Variants in NDUFS4 observed in about 807,000 individuals in gnomAD.
The protein encoded by NDUFS4 is NADH dehydrogenase [ubiquinone] iron-sulfur protein 4, mitochondrial.
A neutral mutation model predicts 24.3 loss-of-function variants in NDUFS4; 28 were observed. The ratio of observed to expected loss-of-function variants is 1.15; its 90% confidence interval spans 0.85 to 1.58. The LOEUF is 1.58. Among genes scored for constraint, NDUFS4 ranks in the 40% most tolerant of loss-of-function variants. The pLI, the probability that NDUFS4 is intolerant of heterozygous loss-of-function variation, is 0.00. For synonymous variants in NDUFS4, 93 were observed against 69.7 expected (o/e 1.34, Z -1.67); for missense variants, 223 against 207.9 (o/e 1.07, Z -0.45).
At chr5:53,668,895 C>CTG (rs1444670198) in intron 4 of NDUFS4, among the ~76,000 whole-genome samples, 1 of 152,144 alleles carries the variant, frequency 6.6e-6, no homozygotes, top group East Asian at 1.9e-4. Context: ...TTTAGTAACT[C>CTG]TGTGAAGCAG....
chr5:53,636,428 T>C (rs1046447807), intron 2 of NDUFS4, among the ~76,000 whole-genome samples: 1 of 152,218 alleles, frequency 6.6e-6, no homozygotes, highest in Non-Finnish European at 1.5e-5. Context: ...AGCTAGATAT[T>C]AGAAGAAACC....
At chr5:53,572,679 T>G (rs1749250838) in intron 1 of NDUFS4, among the ~76,000 whole-genome samples, 1 of 151,318 alleles carries the variant, frequency 6.6e-6, no homozygotes, top group Non-Finnish European at 1.5e-5. Context: ...AGTCTCGCCC[T>G]GTTGCCCAGG....
intron 2 of NDUFS4, among the ~76,000 whole-genome samples, chr5:53,622,362 C>T (rs1445764128): frequency 2.0e-5 from 3 of 152,078 alleles, no homozygotes; most frequent in African/African-American, 4.8e-5. Flanking sequence ...GCTAGAATTC[C>T]GAGGTTAAGG....
chr5:53,616,513 T>G (rs1467922892), intron 2 of NDUFS4, among the ~76,000 whole-genome samples: 1 of 152,044 alleles, frequency 6.6e-6, no homozygotes, highest in Admixed American at 6.6e-5. Context: ...AAGAAGCAGC[T>G]GTGTGAGTAT....
At chr5:53,569,606 A>G (rs1749146714) in intron 1 of NDUFS4, among the ~76,000 whole-genome samples, 1 of 152,274 alleles carries the variant, frequency 6.6e-6, no homozygotes, top group South Asian at 2.1e-4. Context: ...TGACTTTCTG[A>G]TAACCCCAGA....
At chr5:53,574,798 C>T (rs538991265) in intron 1 of NDUFS4, among the ~76,000 whole-genome samples, 18 of 151,854 alleles carry the variant, frequency 1.2e-4, no homozygotes, top group South Asian at 4.2e-4. Flanking sequence ...ATATTATATT[C>T]GGAGAACCCA....
chr5:53,663,257 G>A (rs1174421465), intron 4 of NDUFS4, among the ~76,000 whole-genome samples: 1 of 152,038 alleles, frequency 6.6e-6, no homozygotes, highest in Non-Finnish European at 1.5e-5. Flanking sequence ...CCAACTGTGT[G>A]GTCAATTTTG....
At chr5:53,611,085 T>G (rs1750680104) in intron 2 of NDUFS4, among the ~76,000 whole-genome samples, 1 of 152,072 alleles carries the variant, frequency 6.6e-6, no homozygotes, top group African/African-American at 2.4e-5. Context: ...CCAGTAAAGC[T>G]TATTTTATTT....
At position 53,611,585 on chromosome 5, in the gene NDUFS4, TA is replaced by T. The variant is rs532628473; in HGVS notation, c.177+8066del. On this transcript the variant is annotated intron_variant, in intron 2 of 4. Coordinates refer to ENST00000296684, the MANE Select transcript of NDUFS4 (RefSeq NM_002495.4). ...AGCTTATGTTTAGAAGCACAATGCT[TA>T]AAAAAAAAAACTTTTTGTGGACTGT... Among the ~76,000 whole-genome samples the T allele has an allele frequency of 2.2e-3, 323 of 146,240 alleles. 6 individuals carry two copies. The East Asian group carries it at 0.055, about 25-fold the overall frequency.
chr5:53,561,093 T>G (rs1401725018), intron 1 of NDUFS4, among the ~76,000 whole-genome samples: 1 of 152,182 alleles, frequency 6.6e-6, no homozygotes, highest in Admixed American at 6.5e-5. Context: ...CTCACTGATT[T>G]CTGTTTCCAC....
chr5:53,593,708 A>T (rs1167305668), intron 1 of NDUFS4, among the ~76,000 whole-genome samples: 1 of 151,298 alleles, frequency 6.6e-6, no homozygotes, highest in Admixed American at 6.6e-5. Context: ...TTCTCTAAGC[A>T]CTGTTTTTGG....
At chr5:53,621,133 C>T (rs970603122) in intron 2 of NDUFS4, among the ~76,000 whole-genome samples, 2 of 152,120 alleles carry the variant, frequency 1.3e-5, no homozygotes, top group African/African-American at 4.8e-5. Context: ...TTGGTTGGTG[C>T]ATTAACATTG....
intron 2 of NDUFS4, among the ~76,000 whole-genome samples, chr5:53,623,614 A>G (rs186776224): frequency 6.6e-6 from 1 of 152,282 alleles, no homozygotes; most frequent in Non-Finnish European, 1.5e-5. Flanking sequence ...TGTCATATCC[A>G]GTAATTCCTT....
At chr5:53,601,837 A>G (rs761421962) in intron 1 of NDUFS4, among the ~76,000 whole-genome samples, 3 of 152,206 alleles carry the variant, frequency 2.0e-5, no homozygotes, top group Admixed American at 6.5e-5. Context: ...TCTTGGTGAT[A>G]AGATTGACCG....
chr5:53,623,103 A>G (rs1385244229), intron 2 of NDUFS4, among the ~76,000 whole-genome samples: 1 of 152,216 alleles, frequency 6.6e-6, no homozygotes, highest in African/African-American at 2.4e-5. Flanking sequence ...ATTTGTTCAA[A>G]TCTCTGCTTT....
chr5:53,595,024 A>T (rs1046671681), intron 1 of NDUFS4, among the ~76,000 whole-genome samples: 48 of 152,258 alleles, frequency 3.2e-4, no homozygotes, highest in African/African-American at 1.1e-3. Flanking sequence ...TTTATTGAAT[A>T]GCCCACCTTT....
intron 4 of NDUFS4, among the ~76,000 whole-genome samples, chr5:53,671,440 C>T (rs1434363759): frequency 6.6e-6 from 1 of 152,178 alleles, no homozygotes; most frequent in Non-Finnish European, 1.5e-5. Flanking sequence ...CATACTGACA[C>T]ACAAAGAAAA....
At chr5:53,664,596 G>A (rs1175382732) in intron 4 of NDUFS4, among the ~76,000 whole-genome samples, 3 of 152,106 alleles carry the variant, frequency 2.0e-5, no homozygotes, top group Non-Finnish European at 4.4e-5. Flanking sequence ...TTGCCTCACT[G>A]ATACCCTTTC....
At chr5:53,611,951 T>C (rs1750710479) in intron 2 of NDUFS4, among the ~76,000 whole-genome samples, 1 of 152,112 alleles carries the variant, frequency 6.6e-6, no homozygotes, top group African/African-American at 2.4e-5. Flanking sequence ...AAATATTAAT[T>C]AGTCCTACAT....
Sources: gnomAD v4.1 joint callset for allele counts (sites outside exome capture counted in the v4.1 genomes callset) on GRCh38, gnomAD v4.1.1 for gene constraint, MANE v1.5 for transcripts, NCBI Gene and HGNC (gene_info 2026-07-23, HGNC 2026-07-21) for gene names.